KCNH5: variants seen among roughly 807,000 people sequenced by gnomAD.
KCNH5 encodes potassium voltage-gated channel subfamily H member 5.
A neutral mutation model predicts 96.1 loss-of-function variants in KCNH5; 46 were observed. The ratio of observed to expected loss-of-function variants is 0.48; its 90% CI spans 0.38 to 0.61. The LOEUF is 0.61. Among genes scored for constraint, KCNH5 ranks in the 20% least tolerant of loss-of-function variants. KCNH5 has a pLI of 0.00. For missense variants in KCNH5, 907 were observed against 1,225.8 expected (o/e 0.74, Z 3.88); for synonymous variants, 439 against 449.8 (o/e 0.98, Z 0.30).
At chr14:62,902,661 C>T (rs1888950611) in intron 7 of KCNH5, among the ~76,000 whole-genome samples, 1 of 151,266 alleles carries the variant, frequency 6.6e-6, no homozygotes, top group South Asian at 2.1e-4. Context: ...AGGCAAATCA[C>T]TTAATTTTTC....
chr14:62,701,798 A>G lies in KCNH5; in HGVS notation c.*5710T>C. 6.6e-6 allele frequency: 1 copy of G among 152,160 alleles called. No individual in the cohort carries two copies. The highest frequency in any genetic ancestry group is 2.1e-4 in the South Asian group (1 of 4,828). The allele number at this position is 152,160 out of a possible 1,614,324, so 9.4% of individuals were successfully genotyped here. ...TAACATTTTTTCATTAGAGAAAATT[A>G]TTGAAACTCTCTGAAGTAAATATAC... is the stretch of plus-strand genomic sequence containing the variant. On this transcript the variant is annotated 3_prime_UTR_variant, in exon 11 of 11. Coordinates refer to ENST00000322893, the MANE Select transcript of KCNH5 (RefSeq NM_139318.5).
At chr14:62,771,039 T>C (rs1017110833) in intron 10 of KCNH5, among the ~76,000 whole-genome samples, 4 of 152,096 alleles carry the variant, frequency 2.6e-5, no homozygotes, top group African/African-American at 9.7e-5. Flanking sequence ...TCGAGAGCTC[T>C]CTCACTCTCT....
intron 6 of KCNH5, among the ~76,000 whole-genome samples, chr14:62,969,212 C>T (rs540165954): frequency 1.2e-4 from 18 of 151,998 alleles, no homozygotes; most frequent in Admixed American, 2.0e-4. Context: ...TTGAACTATA[C>T]GAAAATGAAA....
intron 10 of KCNH5, among the ~76,000 whole-genome samples, chr14:62,747,692 G>A (rs1226528011): frequency 2.0e-5 from 3 of 152,248 alleles, no homozygotes; most frequent in Non-Finnish European, 2.9e-5. Flanking sequence ...TTAGAGAAAC[G>A]CAATTCATGA....
chr14:62,993,440 C>T lies in KCNH5; in HGVS notation c.434-6253G>A, dbSNP rs74058746. ...AGAAATGTGACAGCCTTCAGTTCCC[C>T]TTCTCTCCCATCCACCTCCAGACTA... On this transcript the variant is annotated intron_variant, in intron 4 of 10. Transcript: ENST00000322893. Among the ~76,000 whole-genome samples the T allele has an allele frequency of 3.7e-3, 556 of 152,024 alleles. 2 individuals are homozygous for T. The highest frequency in any genetic ancestry group is 0.013 in the African/African-American group (529 of 41,528).
At chr14:62,974,320 A>G (rs1223269924) in intron 6 of KCNH5, among the ~76,000 whole-genome samples, 3 of 152,134 alleles carry the variant, frequency 2.0e-5, no homozygotes, top group Non-Finnish European at 2.9e-5. Context: ...CAGCTGCTCC[A>G]TCTTTGATGA....
At chr14:62,710,585 A>G (rs1044522909) in intron 10 of KCNH5, among the ~76,000 whole-genome samples, 2 of 152,174 alleles carry the variant, frequency 1.3e-5, no homozygotes, top group African/African-American at 2.4e-5. Flanking sequence ...TGAGAGGCCT[A>G]ATATGAATGA....
At chr14:62,982,641 T>C (rs565663666) in intron 5 of KCNH5, among the ~76,000 whole-genome samples, 5 of 152,324 alleles carry the variant, frequency 3.3e-5, no homozygotes, top group Admixed American at 6.5e-5. Context: ...AAAACAAATA[T>C]ACTAGCATCT....
At chr14:62,749,986 T>C (rs991762004) in intron 10 of KCNH5, among the ~76,000 whole-genome samples, 3 of 152,344 alleles carry the variant, frequency 2.0e-5, no homozygotes, top group African/African-American at 7.2e-5. Flanking sequence ...GAAACCTCAA[T>C]TGCCTTTTCA....
chr14:62,820,936 T>A (rs1230410114), intron 8 of KCNH5, among the ~76,000 whole-genome samples: 2 of 151,980 alleles, frequency 1.3e-5, no homozygotes, highest in South Asian at 4.2e-4. Flanking sequence ...GGTATTTCTG[T>A]TTTTAGGTCT....
At chr14:62,742,792 G>C (rs548954682) in intron 10 of KCNH5, among the ~76,000 whole-genome samples, 1 of 152,248 alleles carries the variant, frequency 6.6e-6, no homozygotes, top group Admixed American at 6.5e-5. Flanking sequence ...TCAAACTATA[G>C]AGAAAAGTTA....
At chr14:63,022,613 C>G (rs1209746150) in intron 1 of KCNH5, among the ~76,000 whole-genome samples, 1 of 152,104 alleles carries the variant, frequency 6.6e-6, no homozygotes, top group African/African-American at 2.4e-5. Context: ...GACCCTTGCC[C>G]ACGATACTCG....
At chr14:62,898,497 G>A (rs1001402566) in intron 7 of KCNH5, among the ~76,000 whole-genome samples, 1 of 152,126 alleles carries the variant, frequency 6.6e-6, no homozygotes, top group African/African-American at 2.4e-5. Flanking sequence ...TAAGATTACA[G>A]ACATGAATTT....
At chr14:62,996,761 C>T (rs114372796) in intron 4 of KCNH5, among the ~76,000 whole-genome samples, 8,037 of 152,208 alleles carry the variant, frequency 0.053, 282 homozygotes, top group African/African-American at 0.087. Context: ...TAGGTTCAGC[C>T]GGTCAAAACT....
At position 62,981,019 on chromosome 14, in the gene KCNH5, AT is replaced by A. The variant is rs1490143540; in HGVS notation, c.794del (p.Asn265IlefsTer20). On this transcript the variant is annotated frameshift_variant, in exon 6 of 11. Transcript: ENST00000322893. LOFTEE classifies it high-confidence loss of function. ...CGGGCCCCACGAAAGTCGTGTGAAAATTTAAAACGATGTCAACCAGAAAAAT... is the reference window on the plus strand; with the variant it reads ...CGGGCCCCACGAAAGTCGTGTGAAAATTAAAACGATGTCAACCAGAAAAAT... ...DVIFLVDIVL[N>X]FHTTFVGPGG... 2 of 1,614,184 alleles carry A rather than the reference AT, an allele frequency of 1.2e-6. No individual in the cohort carries two copies. Among genetic ancestry groups the A allele is most frequent in the Non-Finnish European group, 1.7e-6 (2 of 1,180,032 alleles).
chr14:62,846,022 T>G (rs1208406820), intron 8 of KCNH5, among the ~76,000 whole-genome samples: 1 of 152,190 alleles, frequency 6.6e-6, no homozygotes. Context: ...TCAAGAAATG[T>G]GCTACCAATT....
At chr14:62,711,788 T>G (rs1435829703) in intron 10 of KCNH5, among the ~76,000 whole-genome samples, 2 of 152,240 alleles carry the variant, frequency 1.3e-5, no homozygotes, top group Non-Finnish European at 2.9e-5. Context: ...GAATTCAGTC[T>G]GCTAGAAGCC....
At chr14:62,782,403 C>T (rs1886237375) in intron 9 of KCNH5, among the ~76,000 whole-genome samples, 1 of 152,170 alleles carries the variant, frequency 6.6e-6, no homozygotes, top group African/African-American at 2.4e-5. Flanking sequence ...GTTAATTAAT[C>T]TTAAGCAATT....
intron 7 of KCNH5, among the ~76,000 whole-genome samples, chr14:62,898,718 T>C (rs1888864833): frequency 6.6e-6 from 1 of 152,140 alleles, no homozygotes. Flanking sequence ...AAATGTTCCT[T>C]AATCTACAAG....
Sources: gnomAD v4.1 joint callset for allele counts (sites outside exome capture counted in the v4.1 genomes callset) on GRCh38, gnomAD v4.1.1 for gene constraint, MANE v1.5 for transcripts, NCBI Gene and HGNC (gene_info 2026-07-23, HGNC 2026-07-21) for gene names.